The following ASCC3 variants were observed in gnomAD, a reference collection of about 807,000 sequenced individuals.
The protein encoded by ASCC3 is activating signal cointegrator 1 complex subunit 3.
In ASCC3, 158 loss-of-function variants were observed where a neutral mutation model predicts 256.3. That is an observed-to-expected ratio of 0.62 (90% CI 0.54 to 0.70). ASCC3 has a LOEUF of 0.70. ASCC3 is among the 30% of genes least tolerant of loss of function. The probability of loss-of-function intolerance (pLI) is 0.00; values close to 1 mark genes in which losing one functional copy is unlikely to be tolerated. For synonymous variants in ASCC3, 948 were observed against 883.4 expected (o/e 1.07, Z -1.30); for missense variants, 2,259 against 2,626.0 (o/e 0.86, Z 3.05).
chr6:100,692,686 T>C (rs1242257270), intron 13 of ASCC3, among the ~76,000 whole-genome samples: 1 of 152,068 alleles, frequency 6.6e-6, no homozygotes, highest in Non-Finnish European at 1.5e-5. Context: ...AATGAAGATG[T>C]CAGTTTTGTG....
At position 100,522,511 on chromosome 6, in the gene ASCC3, G is replaced by A. The variant is rs187877379; in HGVS notation, c.5776-4369C>T. Among the ~76,000 whole-genome samples, 3 of 152,134 alleles carry A rather than the reference G, an allele frequency of 2.0e-5. No homozygotes were observed. The East Asian group carries it at 5.8e-4, about 30-fold the overall frequency. ...GGTGAAAATGAGCTCTGGAGAAAGT[G>A]TATGGGCTAGAGCTGTGGACTTAGA... On this transcript the variant is annotated intron_variant, in intron 37 of 41. Coordinates refer to ENST00000369162, the MANE Select transcript of ASCC3 (RefSeq NM_006828.4).
chr6:100,860,101 C>CAG (rs1321612921), intron 3 of ASCC3, among the ~76,000 whole-genome samples: 1 of 151,962 alleles, frequency 6.6e-6, no homozygotes, highest in Non-Finnish European at 1.5e-5. Flanking sequence ...TCTTAAGTAA[C>CAG]AGATATATGC....
At chr6:100,768,255 A>G (rs1291344260) in intron 8 of ASCC3, among the ~76,000 whole-genome samples, 1 of 152,172 alleles carries the variant, frequency 6.6e-6, no homozygotes, top group Non-Finnish European at 1.5e-5. Flanking sequence ...CCTCAAAACA[A>G]TTCTATGGTG....
chr6:100,648,789 C>A (rs138990822), intron 20 of ASCC3, among the ~76,000 whole-genome samples: 1 of 151,886 alleles, frequency 6.6e-6, no homozygotes, highest in South Asian at 2.1e-4. Flanking sequence ...TCAGGATCTA[C>A]AGTTATCCCC....
intron 1 of ASCC3, among the ~76,000 whole-genome samples, chr6:100,880,213 G>A (rs1266624270): frequency 6.6e-6 from 1 of 151,834 alleles, no homozygotes; most frequent in African/African-American, 2.4e-5. Context: ...AAAAAAAAGA[G>A]ACAACATAAA....
intron 36 of ASCC3, among the ~76,000 whole-genome samples, chr6:100,549,798 A>C (rs1202754148): frequency 1.3e-5 from 2 of 152,020 alleles, no homozygotes; most frequent in African/African-American, 4.8e-5. Flanking sequence ...AATTATTTTA[A>C]GTGAGGAATA....
intron 37 of ASCC3, among the ~76,000 whole-genome samples, chr6:100,520,008 C>G (rs1029440578): frequency 6.6e-6 from 1 of 152,138 alleles, no homozygotes; most frequent in African/African-American, 2.4e-5. Context: ...TGTGGCTCCC[C>G]AACTGAGTTG....
intron 4 of ASCC3, among the ~76,000 whole-genome samples, chr6:100,812,011 G>C (rs990918306): frequency 6.6e-6 from 1 of 152,150 alleles, no homozygotes; most frequent in African/African-American, 2.4e-5. Flanking sequence ...AAAGGAGAAA[G>C]AGCCCTGCCA....
At position 100,530,995 on chromosome 6, in the gene ASCC3, T is replaced by A. The variant is rs1223220976; in HGVS notation, c.5775+9168A>T. 3.8e-6 allele frequency: 6 copies of A among 1,593,908 alleles called. No homozygotes were observed. In the African/African-American group the frequency reaches 8.1e-5, roughly 21 times the overall value. ...AAGGAGCATGGCCTGTTCTTATTGA[T>A]GACTTTGTGGAATTTGCACGCCCTC... On this transcript the variant is annotated intron_variant, in intron 37 of 41. Transcript: ENST00000369162.
chr6:100,775,291 A>T (rs1782134131), intron 8 of ASCC3, among the ~76,000 whole-genome samples: 1 of 152,186 alleles, frequency 6.6e-6, no homozygotes, highest in Non-Finnish European at 1.5e-5. Context: ...AAGAAGGCTT[A>T]GATTTAAATT....
At chr6:100,646,225 G>A (rs1775371883) in intron 22 of ASCC3, among the ~76,000 whole-genome samples, 1 of 152,064 alleles carries the variant, frequency 6.6e-6, no homozygotes. Context: ...TAAATGTTTT[G>A]AAGGAATCTC....
chr6:100,802,242 G>C (rs1769953111), intron 5 of ASCC3, among the ~76,000 whole-genome samples: 1 of 151,952 alleles, frequency 6.6e-6, no homozygotes, highest in Non-Finnish European at 1.5e-5. Flanking sequence ...AAAATGAAAT[G>C]AATATCCTTA....
chr6:100,659,906 AT>A (rs923083048), intron 16 of ASCC3, among the ~76,000 whole-genome samples: 1 of 151,530 alleles, frequency 6.6e-6, no homozygotes, highest in African/African-American at 2.4e-5. Context: ...TACTACATAC[AT>A]TTTTTATACA....
chr6:100,760,227 C>G (rs1562277554), intron 10 of ASCC3, among the ~76,000 whole-genome samples: 1 of 152,084 alleles, frequency 6.6e-6, no homozygotes, highest in Non-Finnish European at 1.5e-5. Context: ...TTGTCTTGTA[C>G]TGGTTTTCAA....
At chr6:100,853,312 T>C (rs1772777472) in intron 3 of ASCC3, among the ~76,000 whole-genome samples, 1 of 152,182 alleles carries the variant, frequency 6.6e-6, no homozygotes, top group Non-Finnish European at 1.5e-5. Flanking sequence ...CTTTTTTCTG[T>C]AGCCTACTTT....
intron 25 of ASCC3, among the ~76,000 whole-genome samples, chr6:100,637,658 G>A (rs1035776103): frequency 6.6e-6 from 1 of 152,086 alleles, no homozygotes; most frequent in African/African-American, 2.4e-5. Flanking sequence ...ATTCTTGGAA[G>A]GAGGTCAAAA....
At chr6:100,535,025 ATTG>A (rs1300485684) in intron 37 of ASCC3, among the ~76,000 whole-genome samples, 14 of 152,226 alleles carry the variant, frequency 9.2e-5, no homozygotes, top group Non-Finnish European at 8.8e-5. Context: ...AAGTCCTGAA[ATTG>A]TTGTTTACTT....
intron 10 of ASCC3, among the ~76,000 whole-genome samples, chr6:100,756,841 T>A (rs978309241): frequency 6.6e-6 from 1 of 152,128 alleles, no homozygotes; most frequent in Non-Finnish European, 1.5e-5. Flanking sequence ...ACAGCCATTA[T>A]GAAATATAAA....
At chr6:100,569,574 C>T (rs576119471) in intron 36 of ASCC3, among the ~76,000 whole-genome samples, 225 of 151,912 alleles carry the variant, frequency 1.5e-3, no homozygotes, top group African/African-American at 4.5e-3. Context: ...TTAGTAGAGA[C>T]GGGGTTTCAC....
Sources: allele counts gnomAD v4.1 joint callset (sites outside exome capture counted in the v4.1 genomes callset), GRCh38; gene constraint gnomAD v4.1.1; transcripts MANE v1.5; gene names NCBI Gene and HGNC (gene_info 2026-07-23, HGNC 2026-07-21).